CEP112: variants seen among roughly 807,000 people sequenced by gnomAD.
The protein encoded by CEP112 is centrosomal protein of 112 kDa.
In CEP112, 127 loss-of-function variants were observed where a neutral mutation model predicts 153.0. That is an observed-to-expected ratio of 0.83 (90% CI 0.72 to 0.96). The LOEUF (loss-of-function observed/expected upper bound fraction) is 0.96, where lower values mean the gene tolerates loss of function less well. Ranked by LOEUF, CEP112 falls within the 40% of genes least tolerant of loss-of-function variation. The pLI is 0.00. For synonymous variants in CEP112, 358 were observed against 374.4 expected (o/e 0.96, Z 0.51); for missense variants, 1,089 against 1,101.2 (o/e 0.99, Z 0.16).
intron 17 of CEP112, among the ~76,000 whole-genome samples, chr17:65,982,358 C>T (rs766346394): frequency 5.3e-5 from 8 of 152,218 alleles, no homozygotes; most frequent in South Asian, 2.1e-4. Context: ...AAAATATCCC[C>T]GAAGTAGAGA....
chr17:65,951,851 G>A (rs1473472681), intron 18 of CEP112, among the ~76,000 whole-genome samples: 1 of 149,740 alleles, frequency 6.7e-6, no homozygotes, highest in East Asian at 2.0e-4. Context: ...TTGGATATAG[G>A]TGTTTAAAGC....
intron 20 of CEP112, among the ~76,000 whole-genome samples, chr17:65,893,045 G>A (rs1197972493): frequency 6.6e-6 from 1 of 152,056 alleles, no homozygotes; most frequent in Admixed American, 6.6e-5. Flanking sequence ...AAAGACCTGC[G>A]ACTTTCAGGT....
At chr17:66,041,521 T>C (rs935758299) in intron 12 of CEP112, among the ~76,000 whole-genome samples, 2 of 152,152 alleles carry the variant, frequency 1.3e-5, no homozygotes, top group African/African-American at 4.8e-5. Context: ...TAGTATATAC[T>C]GTATACACAG....
intron 23 of CEP112, among the ~76,000 whole-genome samples, chr17:65,703,032 CAT>C (rs1436510120): frequency 6.6e-6 from 1 of 152,138 alleles, no homozygotes; most frequent in East Asian, 1.9e-4. Flanking sequence ...ACAGGAAAAA[CAT>C]ATGATACATC....
intron 12 of CEP112, among the ~76,000 whole-genome samples, chr17:66,032,719 C>T (rs550737841): frequency 1.3e-5 from 2 of 152,134 alleles, no homozygotes; most frequent in South Asian, 4.2e-4. Context: ...AACAGGCATA[C>T]CAAGAAATAA....
At chr17:65,818,742 C>A (rs2056392941) in intron 21 of CEP112, among the ~76,000 whole-genome samples, 1 of 151,830 alleles carries the variant, frequency 6.6e-6, no homozygotes, top group Non-Finnish European at 1.5e-5. Flanking sequence ...AGCAGGAATT[C>A]AATTTTTGTT....
chr17:65,892,582 T>C (rs2059507601), intron 20 of CEP112, among the ~76,000 whole-genome samples: 1 of 152,068 alleles, frequency 6.6e-6, no homozygotes, highest in South Asian at 2.1e-4. Context: ...CAGGAGCGCA[T>C]TTCCAAATTT....
At chr17:65,788,160 T>C (rs1055908204) in intron 21 of CEP112, among the ~76,000 whole-genome samples, 1 of 152,234 alleles carries the variant, frequency 6.6e-6, no homozygotes, top group African/African-American at 2.4e-5. Context: ...TTACCTGAGA[T>C]GATCACATGG....
At chr17:65,931,157 T>C (rs967873985) in intron 18 of CEP112, among the ~76,000 whole-genome samples, 2 of 150,154 alleles carry the variant, frequency 1.3e-5, no homozygotes, top group Admixed American at 1.3e-4. Context: ...TATTAAATTC[T>C]TAAGGATGAG....
chr17:65,636,366 C>T (rs1039878213), intron 26 of CEP112, among the ~76,000 whole-genome samples: 2 of 152,178 alleles, frequency 1.3e-5, no homozygotes, highest in Non-Finnish European at 2.9e-5. Flanking sequence ...ACTGTGAGTG[C>T]TGGATCACTG....
At chr17:65,828,878 GT>G (rs142931765) in intron 21 of CEP112, among the ~76,000 whole-genome samples, 1,504 of 144,308 alleles carry the variant, frequency 0.01, 10 homozygotes, top group South Asian at 0.023. Flanking sequence ...TTTTTAGAGA[GT>G]TTTTTTTTTT....
intron 6 of CEP112, among the ~76,000 whole-genome samples, chr17:66,111,881 AT>A (rs1465507207): frequency 6.6e-6 from 1 of 152,190 alleles, no homozygotes; most frequent in African/African-American, 2.4e-5. Flanking sequence ...AAACTTGACC[AT>A]TTTAAGAACT....
chr17:65,744,688 T>C (rs1043249077), intron 22 of CEP112, among the ~76,000 whole-genome samples: 2 of 152,220 alleles, frequency 1.3e-5, no homozygotes, highest in African/African-American at 4.8e-5. Context: ...ATTCCCTGCA[T>C]TTAAGAATCT....
intron 1 of CEP112, among the ~76,000 whole-genome samples, chr17:66,188,478 A>T (rs1425204535): frequency 1.4e-5 from 2 of 140,360 alleles, no homozygotes; most frequent in African/African-American, 2.7e-5. Context: ...AGGTAAATGC[A>T]GCTCAAATGT....
intron 19 of CEP112, among the ~76,000 whole-genome samples, chr17:65,916,250 AGTGTGTGTGT>A (rs3222034): frequency 3.3e-4 from 43 of 129,954 alleles, no homozygotes; most frequent in South Asian, 1.4e-3. Flanking sequence ...TTTGAAAAAG[AGTGTGTGTGT>A]GTGTGTGTGT....
chr17:65,935,140 T>C (rs1026270312), intron 18 of CEP112, among the ~76,000 whole-genome samples: 12 of 152,176 alleles, frequency 7.9e-5, no homozygotes, highest in African/African-American at 2.2e-4. Context: ...AACCATATCA[T>C]AGAATTTAAG....
intron 23 of CEP112, among the ~76,000 whole-genome samples, chr17:65,711,675 T>C (rs1202613741): frequency 6.6e-6 from 1 of 152,222 alleles, no homozygotes; most frequent in African/African-American, 2.4e-5. Context: ...AATGCCTGAG[T>C]CAAAGCATTT....
intron 20 of CEP112, among the ~76,000 whole-genome samples, chr17:65,879,768 G>C (rs765934810): frequency 3.1e-4 from 45 of 147,446 alleles, no homozygotes; most frequent in Non-Finnish European, 5.2e-4. Context: ...ATCTTTTCAA[G>C]TTTAAAAATA....
intron 19 of CEP112, chr17:65,914,035 G>A (rs6504372): frequency 0.8 from 156,749 of 196,966 alleles, 64,127 homozygotes; most frequent in Non-Finnish European, 0.87. Context: ...CTTCAAAAGG[G>A]TTTTTTTTTC....
Sources: allele counts gnomAD v4.1 joint callset (sites outside exome capture counted in the v4.1 genomes callset), GRCh38; gene constraint gnomAD v4.1.1; transcripts MANE v1.5; gene names NCBI Gene and HGNC (gene_info 2026-07-23, HGNC 2026-07-21).